Variants in TENM3 observed in about 807,000 individuals in gnomAD.
TENM3 encodes the protein teneurin-3.
Under a neutral mutation model 255.1 loss-of-function variants are expected in TENM3, and 63 were observed. That is an observed-to-expected ratio of 0.25 (90% CI 0.20 to 0.30). TENM3 has a LOEUF of 0.30. Ranked by LOEUF, TENM3 falls within the 10% of genes least tolerant of loss-of-function variation. The pLI is 1.00. For missense variants in TENM3, 2,929 were observed against 3,461.1 expected, an observed-to-expected ratio of 0.85 and a Z score of 3.86; for synonymous variants, 1,306 against 1,322.3, an observed-to-expected ratio of 0.99 and a Z score of 0.27.
At chr4:182,487,458 G>A (rs988471703) in intron 3 of TENM3, among the ~76,000 whole-genome samples, 1 of 152,062 alleles carries the variant, frequency 6.6e-6, no homozygotes, top group African/African-American at 2.4e-5. Context: ...GCAAAATAAT[G>A]TGCATTTGGT....
intron 3 of TENM3, among the ~76,000 whole-genome samples, chr4:182,375,269 G>A (rs1451887521): frequency 1.3e-5 from 2 of 151,722 alleles, no homozygotes; most frequent in Admixed American, 6.6e-5. Context: ...ATCAAGAAAA[G>A]GGGAATTAGG....
the TENM3 span, among the ~76,000 whole-genome samples, chr4:181,881,215 A>G: frequency 2.6e-5 from 4 of 152,162 alleles, no homozygotes; most frequent in African/African-American, 7.2e-5. Flanking sequence ...AATTTAGGAT[A>G]CCCTTCGGGA....
chr4:182,172,073 A>G (rs756397094), intron 1 of TENM3, among the ~76,000 whole-genome samples: 1 of 149,576 alleles, frequency 6.7e-6, no homozygotes. Context: ...TAACCGAGAC[A>G]TCTAAATTGG....
chr4:182,382,826 T>C (rs1580360645), intron 3 of TENM3, among the ~76,000 whole-genome samples: 1 of 152,194 alleles, frequency 6.6e-6, no homozygotes, highest in African/African-American at 2.4e-5. Context: ...TGGTGGCAGG[T>C]GAGCTCATCC....
At chr4:181,659,272 A>C in the TENM3 span, among the ~76,000 whole-genome samples, 8,696 of 152,242 alleles carry the variant, frequency 0.057, 360 homozygotes, top group Middle Eastern at 0.16. Context: ...AATAAACAAG[A>C]ATTTTACCTA....
At chr4:182,759,265 A>C (rs908460898) in intron 22 of TENM3, among the ~76,000 whole-genome samples, 1 of 152,202 alleles carries the variant, frequency 6.6e-6, no homozygotes, top group African/African-American at 2.4e-5. Flanking sequence ...GTGGGTATAG[A>C]ACTCTCCCAA....
intron 3 of TENM3, among the ~76,000 whole-genome samples, chr4:182,571,275 C>T (rs1744331494): frequency 6.6e-6 from 1 of 152,174 alleles, no homozygotes; most frequent in Non-Finnish European, 1.5e-5. Flanking sequence ...CCTGTAATCC[C>T]AGCACTTTGG....
At chr4:182,620,217 C>G (rs1269411057) in intron 4 of TENM3, among the ~76,000 whole-genome samples, 1 of 152,200 alleles carries the variant, frequency 6.6e-6, no homozygotes, top group African/African-American at 2.4e-5. Context: ...TGTGCGGAAA[C>G]TCACTGTCTA....
intron 3 of TENM3, among the ~76,000 whole-genome samples, chr4:182,401,467 C>T (rs73869970): frequency 9.8e-4 from 149 of 152,342 alleles, no homozygotes; most frequent in African/African-American, 3.3e-3. Flanking sequence ...AGTCTCCTTG[C>T]TCATTTCGTC....
intron 12 of TENM3, 94 bp from the exon 13 acceptor site, chr4:182,713,993 A>C (rs1180240933): frequency 1.0e-6 from 1 of 953,890 alleles, no homozygotes; most frequent in African/African-American, 1.6e-5. Flanking sequence ...CTGTTTATAA[A>C]GGCCTGTTCC....
At position 182,749,571 on chromosome 4, in the gene TENM3, T is replaced by C. The variant is rs975875732; in HGVS notation, c.3630-2229T>C. On this transcript the variant is annotated intron_variant, in intron 19 of 27. Coordinates refer to ENST00000511685, the MANE Select transcript of TENM3 (RefSeq NM_001080477.4). ...CCCTGTTCTAAGGATCTTACATATA[T>C]AGTTCGTGTAATCCTCCCAGCATCC... is the stretch of plus-strand genomic sequence containing the variant. Among the ~76,000 whole-genome samples, 8 of 152,200 alleles carry C rather than the reference T, an allele frequency of 5.3e-5. No individual in the cohort carries two copies. In the East Asian group the frequency reaches 7.7e-4, roughly 15 times the overall value.
chr4:181,594,901 C>T, the TENM3 span, among the ~76,000 whole-genome samples: 1 of 152,252 alleles, frequency 6.6e-6, no homozygotes, highest in East Asian at 1.9e-4. Context: ...CTCCAAGTTG[C>T]TTGGACCAAA....
At chr4:182,756,793 A>G (rs1162225286) in intron 22 of TENM3, among the ~76,000 whole-genome samples, 2 of 152,204 alleles carry the variant, frequency 1.3e-5, no homozygotes, top group African/African-American at 4.8e-5. Context: ...ATTTTGTCAG[A>G]GGAACAAACC....
At chr4:181,875,415 G>A in the TENM3 span, among the ~76,000 whole-genome samples, 1 of 91,784 alleles carries the variant, frequency 1.1e-5, no homozygotes. Flanking sequence ...TCTTCTTTAG[G>A]AACCTATTTT....
the TENM3 span, among the ~76,000 whole-genome samples, chr4:181,795,815 T>C: frequency 6.6e-6 from 1 of 152,198 alleles, no homozygotes; most frequent in Non-Finnish European, 1.5e-5. Context: ...AAAATACCTT[T>C]ACATGATGGG....
the TENM3 span, among the ~76,000 whole-genome samples, chr4:182,107,834 G>A: frequency 6.6e-6 from 1 of 152,164 alleles, no homozygotes; most frequent in East Asian, 1.9e-4. Flanking sequence ...TATAACTAAA[G>A]GACTGATTTC....
At chr4:182,740,664 A>G (rs1761533601) in intron 18 of TENM3, among the ~76,000 whole-genome samples, 1 of 152,210 alleles carries the variant, frequency 6.6e-6, no homozygotes, top group African/African-American at 2.4e-5. Context: ...TAGCTCCGAA[A>G]AAGCCCATGC....
intron 3 of TENM3, among the ~76,000 whole-genome samples, chr4:182,544,323 ATTTTTTTTTTTT>A (rs35639483): frequency 5.8e-5 from 4 of 69,286 alleles, no homozygotes; most frequent in Admixed American, 2.1e-4. Context: ...AGCATTGTGG[ATTTTTTTTTTTT>A]TTTTTTTTTT....
chr4:182,605,274 G>A (rs974325222), intron 4 of TENM3, among the ~76,000 whole-genome samples: 2 of 152,142 alleles, frequency 1.3e-5, no homozygotes, highest in African/African-American at 2.4e-5. Flanking sequence ...AAGGTAGCTC[G>A]ATGACTAAGG....
Sources: gnomAD v4.1 joint callset for allele counts (sites outside exome capture counted in the v4.1 genomes callset) on GRCh38, gnomAD v4.1.1 for gene constraint, MANE v1.5 for transcripts, NCBI Gene and HGNC (gene_info 2026-07-23, HGNC 2026-07-21) for gene names.